The following ADGRL2 variants were observed in gnomAD, a reference collection of about 807,000 sequenced individuals.
The protein encoded by ADGRL2 is adhesion G protein-coupled receptor L2, also known as calcium-independent alpha-latrotoxin receptor 2.
A neutral mutation model predicts 157.4 loss-of-function variants in ADGRL2; 44 were observed. That is an observed-to-expected ratio of 0.28 (90% CI 0.22 to 0.36). The LOEUF is 0.36. ADGRL2 is among the 10% of genes least tolerant of loss of function. The pLI is 1.00. For missense variants in ADGRL2, 1,510 were observed against 1,768.9 expected, an observed-to-expected ratio of 0.85 and a Z score of 2.63; for synonymous variants, 585 against 624.7, an observed-to-expected ratio of 0.94 and a Z score of 0.95.
chr1:81,576,890 T>C (rs2080808505), intron 2 of ADGRL2, among the ~76,000 whole-genome samples: 1 of 152,184 alleles, frequency 6.6e-6, no homozygotes, highest in Non-Finnish European at 1.5e-5. Flanking sequence ...CACTAAAAAA[T>C]AGAAAGACAT....
chr1:81,369,703 T>A (rs139038703), intron 1 of ADGRL2, among the ~76,000 whole-genome samples: 2 of 151,100 alleles, frequency 1.3e-5, no homozygotes, highest in African/African-American at 4.9e-5. Flanking sequence ...CTTATGAACA[T>A]GAAAAAAAAA....
intron 1 of ADGRL2, among the ~76,000 whole-genome samples, chr1:81,742,075 G>C (rs1170262115): frequency 6.6e-6 from 1 of 151,922 alleles, no homozygotes; most frequent in Non-Finnish European, 1.5e-5. Flanking sequence ...ATGTATTATA[G>C]TGGGGAAAAT....
chr1:81,961,576 C>T lies in ADGRL2; in HGVS notation c.2018-4482C>T, dbSNP rs1655411600. Among the ~76,000 whole-genome samples the T allele has an allele frequency of 2.8e-5, 4 of 144,900 alleles. No individual in the cohort carries two copies. In the South Asian group the frequency reaches 8.6e-4, roughly 31 times the overall value. ...AGGCTAGAGTGCAATGGCATGATCT[C>T]GGCTCACTGCAACCTTCACCTCCTG... On this transcript the variant is annotated intron_variant, in intron 11 of 23. Transcript: ENST00000686636.
intron 13 of ADGRL2, among the ~76,000 whole-genome samples, chr1:81,967,556 C>G (rs978371749): frequency 6.6e-6 from 1 of 152,062 alleles, no homozygotes; most frequent in African/African-American, 2.4e-5. Flanking sequence ...CCACCGCGCC[C>G]GGCCTATTTG....
intron 1 of ADGRL2, among the ~76,000 whole-genome samples, chr1:81,354,216 T>C (rs534834212): frequency 3.3e-5 from 5 of 152,278 alleles, no homozygotes; most frequent in Non-Finnish European, 7.3e-5. Flanking sequence ...ACAAGAAAAC[T>C]ACAATTACTC....
intron 2 of ADGRL2, among the ~76,000 whole-genome samples, chr1:81,790,890 C>T (rs1299704562): frequency 6.6e-6 from 1 of 151,470 alleles, no homozygotes; most frequent in Non-Finnish European, 1.5e-5. Context: ...ATGGTGAAAC[C>T]CTGTCTCTGC....
At chr1:81,903,597 A>G (rs2094526992) in intron 2 of ADGRL2, among the ~76,000 whole-genome samples, 1 of 151,688 alleles carries the variant, frequency 6.6e-6, no homozygotes, top group African/African-American at 2.4e-5. Context: ...GTTGTTGAAC[A>G]TAAAACAAAG....
chr1:81,308,297 G>T (rs1659493394), intron 1 of ADGRL2, among the ~76,000 whole-genome samples: 1 of 152,090 alleles, frequency 6.6e-6, no homozygotes, highest in Non-Finnish European at 1.5e-5. Flanking sequence ...ACTGTCGCTG[G>T]AGAATTCCAT....
intron 11 of ADGRL2, among the ~76,000 whole-genome samples, chr1:81,960,631 T>A (rs1655046984): frequency 6.6e-6 from 1 of 152,040 alleles, no homozygotes; most frequent in African/African-American, 2.4e-5. Context: ...CCTGCCATGA[T>A]GCCCTGCTAA....
chr1:81,369,675 T>C (rs1428184469), intron 1 of ADGRL2, among the ~76,000 whole-genome samples: 1 of 152,074 alleles, frequency 6.6e-6, no homozygotes, highest in African/African-American at 2.4e-5. Context: ...AAAGCTAGAC[T>C]AAATCAATTT....
At chr1:81,546,913 A>G (rs1299447912) in intron 2 of ADGRL2, among the ~76,000 whole-genome samples, 1 of 152,152 alleles carries the variant, frequency 6.6e-6, no homozygotes, top group East Asian at 1.9e-4. Context: ...TGAAGCCTCC[A>G]TTGCAAGAAA....
intron 2 of ADGRL2, among the ~76,000 whole-genome samples, chr1:81,481,281 T>G (rs922905805): frequency 3.3e-5 from 5 of 152,226 alleles, no homozygotes; most frequent in African/African-American, 1.2e-4. Context: ...GAAACAAGGC[T>G]TTCCCGGTCA....
chr1:81,411,910 G>A (rs1425242992), intron 1 of ADGRL2, among the ~76,000 whole-genome samples: 2 of 151,648 alleles, frequency 1.3e-5, no homozygotes, highest in Admixed American at 6.6e-5. Context: ...TTTAAGAAAG[G>A]TGAATCCTCT....
intron 3 of ADGRL2, among the ~76,000 whole-genome samples, chr1:81,617,511 C>A (rs2081685406): frequency 6.6e-6 from 1 of 152,226 alleles, no homozygotes; most frequent in Non-Finnish European, 1.5e-5. Flanking sequence ...GCCAGCAGAG[C>A]TGCTTTCTTT....
intron 2 of ADGRL2, among the ~76,000 whole-genome samples, chr1:81,519,607 A>T (rs879543124): frequency 3.3e-5 from 5 of 152,368 alleles, no homozygotes; most frequent in Admixed American, 3.3e-4. Flanking sequence ...GATGATGATA[A>T]TAACTATTGT....
chr1:81,988,533 T>C (rs907032607), intron 23 of ADGRL2: 8 of 152,088 alleles, frequency 5.3e-5, no homozygotes, highest in African/African-American at 1.9e-4. Flanking sequence ...GAGAATTGTG[T>C]CTACCAAGTT....
At chr1:81,427,061 G>C in intron 1 of ADGRL2, 1 of 1,394,082 alleles carries the variant, frequency 7.2e-7, no homozygotes, top group East Asian at 2.3e-5. Flanking sequence ...CTATTAATGG[G>C]CATAATTGTG....
intron 3 of ADGRL2, among the ~76,000 whole-genome samples, chr1:81,928,302 C>T (rs1275851108): frequency 2.0e-5 from 3 of 152,040 alleles, no homozygotes; most frequent in African/African-American, 4.8e-5. Flanking sequence ...AGACTATATC[C>T]AAATTGACAG....
intron 1 of ADGRL2, among the ~76,000 whole-genome samples, chr1:81,821,997 A>G (rs2091024469): frequency 6.8e-6 from 1 of 147,658 alleles, no homozygotes; most frequent in African/African-American, 2.5e-5. Flanking sequence ...ATAACCTGCA[A>G]TGCTGTGTGC....
Sources: allele counts gnomAD v4.1 joint callset (sites outside exome capture counted in the v4.1 genomes callset), GRCh38; gene constraint gnomAD v4.1.1; transcripts MANE v1.5; gene names NCBI Gene and HGNC (gene_info 2026-07-23, HGNC 2026-07-21).